Variants in CCDC110 observed in about 807,000 individuals in gnomAD.
CCDC110 encodes the protein coiled-coil domain containing 110.
CCDC110 carries 70 observed loss-of-function variants against 77.1 expected under a neutral mutation model. The observed-to-expected ratio is 0.91, with a 90% CI of 0.75 to 1.11. The LOEUF (loss-of-function observed/expected upper bound fraction) is 1.11, where lower values mean the gene tolerates loss of function less well. CCDC110 is among the 50% of genes least tolerant of loss of function. CCDC110 has a pLI of 0.00. For missense variants in CCDC110, 868 were observed against 942.9 expected (o/e 0.92, Z 1.04); for synonymous variants, 295 against 312.5 (o/e 0.94, Z 0.59).
intron 6 of CCDC110, among the ~76,000 whole-genome samples, chr4:185,449,115 T>A (rs1414538932): frequency 6.6e-6 from 1 of 152,230 alleles, no homozygotes; most frequent in Non-Finnish European, 1.5e-5. Flanking sequence ...TAAGTATATA[T>A]GGCTTTAATA....
Position 185,459,218 on chromosome 4 carries a change from A to G in CCDC110, c.1369T>C (p.Ser457Pro). The change falls in exon 6 of 7, where the codon TCC (serine) becomes CCC (proline). Residue 457 changes from serine (S) to proline (P), a missense_variant. Transcript: ENST00000307588. The stretch of plus-strand genomic sequence containing the variant: ...GTAAAGATAAGAGGTTTCATTTTGG[A>G]CTTAAGGTTTAGATTTTCACTCTCC... ...ELESENLNLK[S>P]KMKPLIFTTQ... 1 of 1,605,330 alleles carries G rather than the reference A, an allele frequency of 6.2e-7. No homozygotes were observed. Among genetic ancestry groups the G allele is most frequent in the Non-Finnish European group, 8.5e-7 (1 of 1,177,506 alleles).
At chr4:185,460,431 C>A (rs1329579105) in intron 5 of CCDC110, among the ~76,000 whole-genome samples, 193 bp from the exon 6 acceptor site, 1 of 152,196 alleles carries the variant, frequency 6.6e-6, no homozygotes, top group African/African-American at 2.4e-5. Context: ...CTGGTCCTCA[C>A]AATTTGCTTA....
intron 2 of CCDC110, among the ~76,000 whole-genome samples, chr4:185,466,566 G>C (rs2095656542): frequency 8.2e-6 from 1 of 121,434 alleles, no homozygotes; most frequent in Non-Finnish European, 1.7e-5. Flanking sequence ...TGAAAGTCAA[G>C]AGGGATTTTT....
Position 185,467,753 on chromosome 4 carries a change from G to A in CCDC110, c.115+3192C>T, listed in dbSNP as rs761874512. On this transcript the variant is annotated intron_variant, in intron 2 of 6. Coordinates refer to ENST00000307588, the MANE Select transcript of CCDC110 (RefSeq NM_152775.4). ...ATACCTGTAGCAAACAGACCAAGAG[G>A]AACCAATACATTCTGAAAATGCAAC... Among the ~76,000 whole-genome samples, 107 of 152,180 alleles carry A rather than the reference G, an allele frequency of 7.0e-4. 1 individual carries two copies. Among genetic ancestry groups the A allele is most frequent in the Non-Finnish European group, 1.3e-3 (91 of 68,040 alleles).
chr4:185,471,392 C>T (rs1193480220), intron 1 of CCDC110: 34 of 259,504 alleles, frequency 1.3e-4, no homozygotes, highest in Middle Eastern at 1.8e-3. Context: ...CGGCATCAGG[C>T]CGGGCCTGGG....
At chr4:185,462,826 C>G (rs2095648845) in intron 3 of CCDC110, 118 bp from the exon 4 acceptor site, 5 of 1,037,698 alleles carry the variant, frequency 4.8e-6, no homozygotes, top group Middle Eastern at 2.0e-4. Flanking sequence ...CCGTGAGGGT[C>G]AGGTGGTTCA....
rs554353926 is a variant in CCDC110 at position 185,446,271 on chromosome 4, T to G, written c.2462-729A>C. Among the ~76,000 whole-genome samples, 9 of 152,332 alleles carry G rather than the reference T, an allele frequency of 5.9e-5. No homozygotes were observed. The South Asian group carries it at 1.9e-3, about 32-fold the overall frequency. On this transcript the variant is annotated intron_variant, in intron 6 of 6. Coordinates refer to ENST00000307588, the MANE Select transcript of CCDC110 (RefSeq NM_152775.4). ...AAAATACCAGTGCTATGTGTTAACT[T>G]TTACCTAATCAAAATATGATTTTGA... is the stretch of plus-strand genomic sequence containing the variant.
At chr4:185,467,006 A>T (rs1275809466) in intron 2 of CCDC110, among the ~76,000 whole-genome samples, 1 of 152,174 alleles carries the variant, frequency 6.6e-6, no homozygotes, top group Non-Finnish European at 1.5e-5. Flanking sequence ...TTTGGGTCTG[A>T]GTGCTTCTAC....
chr4:185,466,703 G>A (rs946622714), intron 2 of CCDC110, among the ~76,000 whole-genome samples: 2 of 152,036 alleles, frequency 1.3e-5, no homozygotes, highest in African/African-American at 4.8e-5. Context: ...CGGAGTAGCT[G>A]GGACCACAGG....
chr4:185,454,778 T>G (rs1330320785), intron 6 of CCDC110, among the ~76,000 whole-genome samples: 2 of 152,100 alleles, frequency 1.3e-5, no homozygotes, highest in African/African-American at 4.8e-5. Flanking sequence ...CTGTTGTTGT[T>G]AACAGATGGG....
At chr4:185,451,508 ATAACTAACAC>A (rs1197312966) in intron 6 of CCDC110, among the ~76,000 whole-genome samples, 2 of 152,242 alleles carry the variant, frequency 1.3e-5, no homozygotes, top group Non-Finnish European at 2.9e-5. Context: ...TGCCTGCTTC[ATAACTAACAC>A]TGTGCAATTA....
intron 2 of CCDC110, among the ~76,000 whole-genome samples, chr4:185,463,632 G>C (rs528888990): frequency 6.6e-6 from 1 of 152,138 alleles, no homozygotes; most frequent in African/African-American, 2.4e-5. Flanking sequence ...TAAAGTCCTC[G>C]TTCACAGCCT....
intron 6 of CCDC110, among the ~76,000 whole-genome samples, chr4:185,451,014 A>C (rs2095628266): frequency 6.6e-6 from 1 of 152,082 alleles, no homozygotes; most frequent in Admixed American, 6.6e-5. Context: ...ACCTGGTAGG[A>C]GTTAATTCAA....
rs1328526260 is a variant in CCDC110, at chr4:185,468,776, C to T, written c.115+2169G>A. On this transcript the variant is annotated intron_variant, in intron 2 of 6. Coordinates refer to ENST00000307588, the MANE Select transcript of CCDC110 (RefSeq NM_152775.4). This position sits in a 1 kb window ranked among gnomAD's most constrained non-coding sequence, Gnocchi z 4.5. ...CCTCTGCCACTCCAAATATTCCTCCCCCCCTTCTCAGCCTTATGTTCTCCA... is the reference window on the plus strand; with the variant it reads ...CCTCTGCCACTCCAAATATTCCTCCTCCCCTTCTCAGCCTTATGTTCTCCA... Among the ~76,000 whole-genome samples the T allele has an allele frequency of 6.6e-6, 1 of 152,174 alleles. No homozygotes were observed. Among genetic ancestry groups the T allele is most frequent in the Non-Finnish European group, 1.5e-5 (1 of 68,020 alleles).
intron 6 of CCDC110, among the ~76,000 whole-genome samples, chr4:185,454,704 A>G (rs76703868): frequency 0.1 from 15,718 of 151,962 alleles, 1,014 homozygotes; most frequent in Non-Finnish European, 0.14. Context: ...ACAGAGCAAG[A>G]CTCCATCTCA....
In CCDC110 at chr4:185,461,095, C is replaced by G. The variant is rs747530661; in HGVS notation, c.302G>C (p.Ser101Thr). 3 of 1,602,744 alleles carry G rather than the reference C, an allele frequency of 1.9e-6. No homozygotes were observed. Among genetic ancestry groups the G allele is most frequent in the Non-Finnish European group, 2.6e-6 (3 of 1,174,724 alleles). The part of the protein sequence containing the change: ...SIIEVENPQF[S>T]SEKNLVFGTR... ...GCCAAACACCAGATTTTTTTCTGAG[C>G]TAAATTGTGGGTTTTCTACTTCAAT... The change falls in exon 5 of 7, where the codon AGC (serine) becomes ACC (threonine). Residue 101 changes from serine (S) to threonine (T), a missense_variant. Ser to Thr is a moderately conservative substitution (Grantham distance 58). Coordinates refer to ENST00000307588, the MANE Select transcript of CCDC110 (RefSeq NM_152775.4).
Position 185,458,340 on chromosome 4 carries a change from G to C in CCDC110, c.2247C>G (p.Tyr749Ter). The change falls in exon 6 of 7, where the codon TAC becomes TAG. Residue 749 changes from tyrosine to a stop codon, truncating the protein, a stop_gained. Transcript: ENST00000307588. LOFTEE classifies it high-confidence loss of function. The stretch of plus-strand genomic sequence containing the variant: ...CCCTTTCATTTTCTATGCTTCTTAC[G>C]TAATTTTCTAAAAGTATTTTGTCTT... ...LTEDKILLEN[Y>*]VRSIENERDT... The C allele has an allele frequency of 1.3e-6, 2 of 1,585,124 alleles. No individual in the cohort carries two copies. The highest frequency in any genetic ancestry group is 1.2e-5 in the South Asian group (1 of 84,618).
At chr4:185,465,853 G>A (rs2153323891) in intron 2 of CCDC110, among the ~76,000 whole-genome samples, 1 of 152,320 alleles carries the variant, frequency 6.6e-6, no homozygotes, top group Admixed American at 6.5e-5. Flanking sequence ...ATTCGTTGGG[G>A]CCAGGAGAGA....
chr4:185,465,784 G>A (rs1002495049), intron 2 of CCDC110, among the ~76,000 whole-genome samples: 12 of 152,128 alleles, frequency 7.9e-5, no homozygotes, highest in African/African-American at 2.4e-4. Flanking sequence ...GGGGGAGGTG[G>A]GGAAAGCAGG....
Sources: gnomAD v4.1 joint callset for allele counts (sites outside exome capture counted in the v4.1 genomes callset) on GRCh38, gnomAD v4.1.1 for gene constraint, Gnocchi (gnomAD v3.1) non-coding constraint, MANE v1.5 for transcripts, NCBI Gene and HGNC (gene_info 2026-07-23, HGNC 2026-07-21) for gene names.